Variants in PKNOX2 observed in about 807,000 individuals in gnomAD.
PKNOX2 encodes the protein homeobox protein PKNOX2.
A neutral mutation model predicts 53.1 loss-of-function variants in PKNOX2; 14 were observed. That is an observed-to-expected ratio of 0.26 (90% CI 0.17 to 0.41). The LOEUF (loss-of-function observed/expected upper bound fraction) is 0.41, where lower values mean the gene tolerates loss of function less well. Ranked by LOEUF, PKNOX2 falls within the 10% of genes least tolerant of loss-of-function variation. The pLI is 1.00. For missense variants in PKNOX2, 496 were observed against 602.8 expected, an observed-to-expected ratio of 0.82 and a Z score of 1.85; for synonymous variants, 257 against 242.8, an observed-to-expected ratio of 1.06 and a Z score of -0.54.
intron 3 of PKNOX2, among the ~76,000 whole-genome samples, chr11:125,350,495 C>T (rs1046452650): frequency 6.6e-6 from 1 of 152,138 alleles, no homozygotes; most frequent in Non-Finnish European, 1.5e-5. Context: ...GCAGGTAGAC[C>T]ATTTGGCTCT....
intron 2 of PKNOX2, among the ~76,000 whole-genome samples, chr11:125,288,663 C>T (rs927926431): frequency 2.6e-5 from 4 of 152,132 alleles, no homozygotes; most frequent in African/African-American, 7.2e-5. Context: ...GCACGTCTCC[C>T]GTAGGAAGCA....
At position 125,258,920 on chromosome 11, in the gene PKNOX2, A is replaced by C. The variant is rs1464609102; in HGVS notation, c.-130+23805A>C. 8.5e-6 allele frequency: 3 copies of C among 350,942 alleles called. No homozygotes were observed. The Admixed American group carries it at 1.1e-4, about 13-fold the overall frequency. 21.7% of individuals were successfully genotyped at this position (350,942 alleles called of 1,614,324 possible). On this transcript the variant is annotated intron_variant, in intron 2 of 12. Transcript: ENST00000298282. ...CTGCAGCCTCAGCCTCAGCTCCAACAGTGACAGAAGCCGTGAAAACAGCAA... is the reference window on the plus strand; with the variant it reads ...CTGCAGCCTCAGCCTCAGCTCCAACCGTGACAGAAGCCGTGAAAACAGCAA...
At chr11:125,348,249 G>A (rs535748686) in intron 3 of PKNOX2, among the ~76,000 whole-genome samples, 18 of 152,314 alleles carry the variant, frequency 1.2e-4, no homozygotes, top group Non-Finnish European at 2.5e-4. Flanking sequence ...GTGCACGTGT[G>A]GGTGGAGAGG....
intron 1 of PKNOX2, among the ~76,000 whole-genome samples, chr11:125,227,612 T>C (rs1007204095): frequency 6.6e-6 from 1 of 152,240 alleles, no homozygotes; most frequent in African/African-American, 2.4e-5. Flanking sequence ...GCATGCCACA[T>C]TGTGTCTGTC....
At chr11:125,192,540 G>A (rs561608970) in intron 1 of PKNOX2, among the ~76,000 whole-genome samples, 2 of 152,318 alleles carry the variant, frequency 1.3e-5, no homozygotes, top group South Asian at 2.1e-4. Context: ...CTACAAAAGT[G>A]CCTTCTGCTT....
At chr11:125,227,604 A>G (rs1454406662) in intron 1 of PKNOX2, among the ~76,000 whole-genome samples, 1 of 152,186 alleles carries the variant, frequency 6.6e-6, no homozygotes, top group East Asian at 1.9e-4. Flanking sequence ...AGACGTATGC[A>G]TGCCACATTG....
At chr11:125,353,944 G>A (rs891776076) in intron 4 of PKNOX2, among the ~76,000 whole-genome samples, 1 of 152,122 alleles carries the variant, frequency 6.6e-6, no homozygotes, top group Non-Finnish European at 1.5e-5. Context: ...GGATGGGGGA[G>A]CTGGGGGATG....
intron 2 of PKNOX2, among the ~76,000 whole-genome samples, chr11:125,302,478 C>A (rs1184192897): frequency 1.3e-5 from 2 of 152,202 alleles, no homozygotes; most frequent in East Asian, 3.9e-4. Flanking sequence ...AGCCGGCTGG[C>A]CCAGCTCACC....
At chr11:125,202,340 T>C (rs941039563) in intron 1 of PKNOX2, among the ~76,000 whole-genome samples, 1 of 152,148 alleles carries the variant, frequency 6.6e-6, no homozygotes, top group Non-Finnish European at 1.5e-5. Context: ...CCCTGATGGC[T>C]GTGTGTCCTG....
intron 2 of PKNOX2, among the ~76,000 whole-genome samples, chr11:125,307,536 C>T (rs1948545399): frequency 1.3e-5 from 2 of 152,052 alleles, no homozygotes; most frequent in African/African-American, 4.8e-5. Flanking sequence ...CCAGCCTGTG[C>T]AAAAAGAGTG....
intron 6 of PKNOX2, among the ~76,000 whole-genome samples, chr11:125,394,155 G>T (rs1010655740): frequency 6.6e-6 from 1 of 152,128 alleles, no homozygotes; most frequent in African/African-American, 2.4e-5. Context: ...ATCCAGCAAC[G>T]CATATGTGTT....
intron 2 of PKNOX2, among the ~76,000 whole-genome samples, chr11:125,235,916 G>T (rs1268954251): frequency 7.9e-5 from 12 of 152,112 alleles, no homozygotes; most frequent in Non-Finnish European, 1.5e-5. Context: ...CAGCCTAGTC[G>T]CTCTTTAGTA....
chr11:125,230,734 C>A (rs1428873865), intron 1 of PKNOX2, among the ~76,000 whole-genome samples: 1 of 152,146 alleles, frequency 6.6e-6, no homozygotes, highest in Non-Finnish European at 1.5e-5. Context: ...TCTCTTTTTC[C>A]TATTCAGTTG....
intron 2 of PKNOX2, among the ~76,000 whole-genome samples, chr11:125,326,087 A>G (rs1949803699): frequency 1.3e-5 from 2 of 152,184 alleles, no homozygotes; most frequent in Non-Finnish European, 2.9e-5. Context: ...TACAGTACTC[A>G]CCTAGGTATG....
chr11:125,306,286 C>A (rs183268290), intron 2 of PKNOX2, among the ~76,000 whole-genome samples: 2 of 152,122 alleles, frequency 1.3e-5, no homozygotes, highest in Admixed American at 6.5e-5. Flanking sequence ...GCTCCCCATT[C>A]GCAAATACCT....
At chr11:125,342,803 C>A (rs1950766649) in intron 3 of PKNOX2, among the ~76,000 whole-genome samples, 1 of 151,966 alleles carries the variant, frequency 6.6e-6, no homozygotes, top group African/African-American at 2.4e-5. Flanking sequence ...CCCAGGTGCC[C>A]TGACACTCCA....
rs1052764914 is a variant in PKNOX2, at chr11:125,262,499, G to A, written c.-130+27384G>A. On this transcript the variant is annotated intron_variant, in intron 2 of 12. Coordinates refer to ENST00000298282, the MANE Select transcript of PKNOX2 (RefSeq NM_001382323.2). ...GTGGGAGGCGGGCTGGTGTGTTTGCGCTAGGTCACTCAGGGAGCTTGAGGC... is the reference window on the plus strand; with the variant it reads ...GTGGGAGGCGGGCTGGTGTGTTTGCACTAGGTCACTCAGGGAGCTTGAGGC... Among the ~76,000 whole-genome samples, 5 of 152,008 alleles carry A rather than the reference G, an allele frequency of 3.3e-5. 1 individual carries two copies. Among genetic ancestry groups the A allele is most frequent in the Admixed American group, 2.6e-4 (4 of 15,264 alleles).
chr11:125,397,792 T>C, intron 6 of PKNOX2, 82 bp from the exon 7 acceptor site: 1 of 1,403,594 alleles, frequency 7.1e-7, no homozygotes, highest in Non-Finnish European at 9.8e-7. Context: ...TCCCCTCCCC[T>C]GGGGTGGTGG....
chr11:125,208,003 G>A (rs1939348945), intron 1 of PKNOX2, among the ~76,000 whole-genome samples: 1 of 152,098 alleles, frequency 6.6e-6, no homozygotes, highest in Non-Finnish European at 1.5e-5. Context: ...GTGTCTAATA[G>A]AGGAGATAGG....
Sources: allele counts gnomAD v4.1 joint callset (sites outside exome capture counted in the v4.1 genomes callset), GRCh38; gene constraint gnomAD v4.1.1; transcripts MANE v1.5; gene names NCBI Gene and HGNC (gene_info 2026-07-23, HGNC 2026-07-21).